Variants in PKIG observed in about 807,000 individuals in gnomAD.
PKIG encodes cAMP-dependent protein kinase inhibitor gamma, also known as protein kinase (cAMP-dependent, catalytic) inhibitor gamma.
In PKIG, 1 loss-of-function variant was observed where a neutral mutation model predicts 6.8. That is an observed-to-expected ratio of 0.15 (90% CI 0.05 to 0.69). The LOEUF (loss-of-function observed/expected upper bound fraction) is 0.69. Among genes scored for constraint, PKIG ranks in the 30% least tolerant of loss-of-function variants. The probability of loss-of-function intolerance (pLI) is 0.82; values close to 1 mark genes in which losing one functional copy is unlikely to be tolerated. For synonymous variants in PKIG, 39 were observed against 43.0 expected (o/e 0.91, Z 0.36); for missense variants, 77 against 104.0 (o/e 0.74, Z 1.13).
At chr20:44,582,052 T>C (rs779884084), upstream of PKIG, among the ~76,000 whole-genome samples, 2 of 152,044 alleles carry the variant, frequency 1.3e-5, no homozygotes, top group Non-Finnish European at 2.9e-5. Context: ...CAGTGCTGTT[T>C]CCAAGCCTTC....
intron 2 of PKIG, among the ~76,000 whole-genome samples, chr20:44,599,453 G>A (rs951574465): frequency 6.6e-6 from 1 of 152,208 alleles, no homozygotes; most frequent in African/African-American, 2.4e-5. Context: ...GCCAGGCACC[G>A]TGGCTCAAGC....
chr20:44,551,167 C>T (rs1182813492), intron 1 of PKIG, among the ~76,000 whole-genome samples: 1 of 152,114 alleles, frequency 6.6e-6, no homozygotes, highest in Non-Finnish European at 1.5e-5. Flanking sequence ...CACTCTCCTG[C>T]CTCAGCCTCC....
intron 1 of PKIG, among the ~76,000 whole-genome samples, chr20:44,571,482 A>G (rs1284628003): frequency 6.6e-6 from 1 of 152,120 alleles, no homozygotes; most frequent in African/African-American, 2.4e-5. Flanking sequence ...TTAATTGTCT[A>G]CCATCATCCA....
chr20:44,560,671 G>A (rs1318000812), intron 1 of PKIG, among the ~76,000 whole-genome samples: 2 of 152,182 alleles, frequency 1.3e-5, no homozygotes, highest in African/African-American at 4.8e-5. Flanking sequence ...GCATAAGAGG[G>A]AACTTGAACT....
At chr20:44,576,008 C>A (rs560691414) in intron 1 of PKIG, among the ~76,000 whole-genome samples, 2 of 152,302 alleles carry the variant, frequency 1.3e-5, no homozygotes, top group East Asian at 3.9e-4. Context: ...CCTCTCTGAA[C>A]TTTTTCTATC....
At chr20:44,553,717 T>A in intron 1 of PKIG, among the ~76,000 whole-genome samples, 1 of 152,200 alleles carries the variant, frequency 6.6e-6, no homozygotes, top group East Asian at 1.9e-4. Context: ...TGCTCGTTTA[T>A]AGTAAATGCT....
intron 1 of PKIG, among the ~76,000 whole-genome samples, chr20:44,539,137 C>T (rs1203672559): frequency 2.0e-5 from 3 of 152,226 alleles, no homozygotes; most frequent in East Asian, 1.9e-4. Flanking sequence ...CTATTTTGGC[C>T]GGGCTGGTCT....
chr20:44,613,295 A>G (rs2065235445), intron 2 of PKIG, among the ~76,000 whole-genome samples: 1 of 152,148 alleles, frequency 6.6e-6, no homozygotes, highest in African/African-American at 2.4e-5. Flanking sequence ...CCTCCTGAGT[A>G]GCTGGAACTA....
chr20:44,557,415 A>G (rs913679449), intron 1 of PKIG, among the ~76,000 whole-genome samples: 100 of 149,986 alleles, frequency 6.7e-4, no homozygotes, highest in African/African-American at 2.3e-3. Flanking sequence ...AGTCCCAGCT[A>G]CTCGGGAGGT....
chr20:44,583,595 C>T (rs2064965785), intron 1 of PKIG, among the ~76,000 whole-genome samples: 1 of 152,148 alleles, frequency 6.6e-6, no homozygotes, highest in Non-Finnish European at 1.5e-5. Context: ...TGAAAAGTTA[C>T]AGCTAACGGG....
chr20:44,569,776 C>G (rs1048903122), intron 1 of PKIG, among the ~76,000 whole-genome samples: 1 of 152,002 alleles, frequency 6.6e-6, no homozygotes, highest in African/African-American at 2.4e-5. Flanking sequence ...ATCGCACACT[C>G]CCCGTGTAAT....
chr20:44,568,466 G>T (rs2064828138), intron 1 of PKIG, among the ~76,000 whole-genome samples: 1 of 151,198 alleles, frequency 6.6e-6, no homozygotes, highest in South Asian at 2.1e-4. Context: ...TAACATTAAA[G>T]TGAGACTTTT....
At chr20:44,581,288 C>T (rs560887817), upstream of PKIG, among the ~76,000 whole-genome samples, 13 of 152,284 alleles carry the variant, frequency 8.5e-5, no homozygotes, top group South Asian at 1.5e-3. Flanking sequence ...TTATGTACAA[C>T]GAGAGCAAAC....
intron 1 of PKIG, among the ~76,000 whole-genome samples, chr20:44,555,459 A>T (rs907679870): frequency 6.6e-6 from 1 of 152,222 alleles, no homozygotes; most frequent in African/African-American, 2.4e-5. Flanking sequence ...CTTTAAACTA[A>T]ATCCTTCTAA....
Position 44,560,922 on chromosome 20 carries a change from T to C in PKIG, c.-240-21663T>C, listed in dbSNP as rs75607499. 6.6e-3 allele frequency among the ~76,000 whole-genome samples: 1,010 copies of C among 152,204 alleles called. 12 individuals are homozygous for C. The highest frequency in any genetic ancestry group is 0.027 in the East Asian group (139 of 5,174). ...AGGTTCACAAAGAAATAAGATACCA[T>C]GAAAAGAATTAGCAAAAGCCATATA... On this transcript the variant is annotated intron_variant, in intron 1 of 4. Transcript: ENST00000372887.
chr20:44,588,286 A>G (rs1289596532), intron 1 of PKIG, among the ~76,000 whole-genome samples: 1 of 152,246 alleles, frequency 6.6e-6, no homozygotes, highest in African/African-American at 2.4e-5. Flanking sequence ...TAAGAAGTCA[A>G]TAAGCAGGGG....
intron 2 of PKIG, among the ~76,000 whole-genome samples, chr20:44,610,873 A>T (rs1017396626): frequency 2.1e-5 from 3 of 145,778 alleles, no homozygotes; most frequent in African/African-American, 7.6e-5. Context: ...TTTCTTTATT[A>T]TTTTTTTTTT....
chr20:44,605,530 G>A (rs1053353209), intron 2 of PKIG, among the ~76,000 whole-genome samples: 2 of 152,044 alleles, frequency 1.3e-5, no homozygotes, highest in Middle Eastern at 6.8e-3. Context: ...ATTTGAGATA[G>A]GTAGAAAAAA....
At chr20:44,534,909 C>G (rs567561670) in intron 1 of PKIG, among the ~76,000 whole-genome samples, 126 of 152,230 alleles carry the variant, frequency 8.3e-4, no homozygotes, top group Non-Finnish European at 1.4e-3. Context: ...CTAGGTTTAC[C>G]TGAACCCAGA....
Sources: gnomAD v4.1 joint callset for allele counts (sites outside exome capture counted in the v4.1 genomes callset) on GRCh38, gnomAD v4.1.1 for gene constraint, MANE v1.5 for transcripts, NCBI Gene and HGNC (gene_info 2026-07-23, HGNC 2026-07-21) for gene names.